Variants in C10orf143 observed in about 807,000 individuals in gnomAD.
C10orf143 encodes uncharacterized protein C10orf143.
intron 3 of C10orf143, among the ~76,000 whole-genome samples, chr10:130,057,727 G>A (rs1387757679): frequency 3.3e-5 from 5 of 152,058 alleles, no homozygotes; most frequent in Admixed American, 1.3e-4. Context: ...CTGGAGTGGC[G>A]GGTTCTGAGG....
At chr10:130,052,639 C>A (rs1860750137) in intron 3 of C10orf143, among the ~76,000 whole-genome samples, 1 of 152,222 alleles carries the variant, frequency 6.6e-6, no homozygotes, top group East Asian at 1.9e-4. Context: ...CTGTACCTAT[C>A]TAATCACAAA....
intron 1 of C10orf143, chr10:130,107,814 C>G: frequency 8.0e-7 from 1 of 1,248,354 alleles, no homozygotes. Context: ...CCTTCTGACA[C>G]TGGGTCCCTG....
At chr10:130,109,228 G>A (rs1253296357) in intron 1 of C10orf143, among the ~76,000 whole-genome samples, 2 of 152,114 alleles carry the variant, frequency 1.3e-5, no homozygotes, top group African/African-American at 2.4e-5. Context: ...CATTTTCCAG[G>A]GCAGTGAAGT....
intron 3 of C10orf143, among the ~76,000 whole-genome samples, chr10:130,041,116 A>G (rs1459846360): frequency 6.6e-6 from 1 of 152,198 alleles, no homozygotes; most frequent in East Asian, 1.9e-4. Flanking sequence ...AATCCGTTCT[A>G]CTTCTCAGGA....
At chr10:130,059,519 T>G (rs968594056), downstream of C10orf143, among the ~76,000 whole-genome samples, 7 of 152,138 alleles carry the variant, frequency 4.6e-5, no homozygotes, top group African/African-American at 1.7e-4. Flanking sequence ...AAGCAGTGTG[T>G]GGCATGCAAA....
intron 1 of C10orf143, chr10:130,104,758 C>T (rs1288230945): frequency 6.6e-6 from 1 of 152,166 alleles, no homozygotes; most frequent in Admixed American, 6.6e-5. Flanking sequence ...TCCATTTCAG[C>T]AATTCCAACC....
At chr10:130,053,493 A>G (rs1252901916) in intron 3 of C10orf143, among the ~76,000 whole-genome samples, 2 of 152,130 alleles carry the variant, frequency 1.3e-5, no homozygotes, top group Non-Finnish European at 2.9e-5. Context: ...ACAGAGTCAG[A>G]CCCCCTGGTT....
intron 3 of C10orf143, among the ~76,000 whole-genome samples, chr10:130,052,079 A>C (rs1189841137): frequency 6.4e-5 from 1 of 15,534 alleles, no homozygotes. Context: ...GCCCCCACCT[A>C]GTTAAGAGTC....
At chr10:130,062,690 T>A (rs1199417196), downstream of C10orf143, among the ~76,000 whole-genome samples, 1 of 152,186 alleles carries the variant, frequency 6.6e-6, no homozygotes, top group East Asian at 1.9e-4. Flanking sequence ...GACGGCCTAT[T>A]GTGGGACCTC....
At position 130,056,400 on chromosome 10, in the gene C10orf143, G is replaced by C. The variant is rs1320712492; in HGVS notation, c.298-20430C>G. Among the ~76,000 whole-genome samples, 2 of 152,104 alleles carry C rather than the reference G, an allele frequency of 1.3e-5. No homozygotes were observed. Among genetic ancestry groups the C allele is most frequent in the Non-Finnish European group, 2.9e-5 (2 of 68,028 alleles). Reference sequence around the variant, plus strand: ...CTGCATGCACAGGGCTCAACAGCAAGGGTCATGCTGAGTCAAGCGTTCAGT... The same window carrying C: ...CTGCATGCACAGGGCTCAACAGCAACGGTCATGCTGAGTCAAGCGTTCAGT... On this transcript the variant is annotated intron_variant and NMD_transcript_variant, in intron 3 of 5. Coordinates refer to the C10orf143 transcript ENST00000643056. This position sits in a 1 kb window ranked among gnomAD's most constrained non-coding sequence, Gnocchi z 4.6.
chr10:130,053,471 G>T lies in C10orf143; in HGVS notation c.298-17501C>A, dbSNP rs957766338. Reference sequence around the variant, plus strand: ...TAAAACAAAACTGTTATTCATTAAGGTTTTTGGGACCACAGAGTCAGACCC... The same window carrying T: ...TAAAACAAAACTGTTATTCATTAAGTTTTTTGGGACCACAGAGTCAGACCC... On this transcript the variant is annotated intron_variant and NMD_transcript_variant, in intron 3 of 5. Transcript: ENST00000643056. Among the ~76,000 whole-genome samples, 15 of 152,268 alleles carry T rather than the reference G, an allele frequency of 9.9e-5. 1 individual carries two copies. The East Asian group carries it at 2.9e-3, about 29-fold the overall frequency.
rs1217544608 is a variant in C10orf143 at position 130,064,054 on chromosome 10, T to C, written c.*300A>G. 5 of 281,108 alleles carry C rather than the reference T, an allele frequency of 1.8e-5. No individual in the cohort carries two copies. Among genetic ancestry groups the C allele is most frequent in the Non-Finnish European group, 3.3e-5 (5 of 152,308 alleles). 17.4% of individuals were successfully genotyped at this position (281,108 alleles called of 1,614,324 possible). ...ATAGGAAGTTTGATACAAAATTTTT[T>C]GACTTGTAAATAATGCAATTGATCT... On this transcript the variant is annotated 3_prime_UTR_variant, in exon 4 of 4. Transcript: ENST00000637128.
At chr10:130,090,519 T>G (rs1861364103) in intron 1 of C10orf143, among the ~76,000 whole-genome samples, 1 of 150,998 alleles carries the variant, frequency 6.6e-6, no homozygotes, top group Non-Finnish European at 1.5e-5. Flanking sequence ...ACTGCAGGAG[T>G]TTTTTTTCAT....
At chr10:130,067,429 T>C (rs186482925) in intron 3 of C10orf143, 2 of 152,308 alleles carry the variant, frequency 1.3e-5, no homozygotes, top group East Asian at 3.9e-4. Flanking sequence ...CCACATCTCC[T>C]TCCCTTTTTG....
At chr10:130,046,940 TGC>T (rs1211275996) in intron 3 of C10orf143, among the ~76,000 whole-genome samples, 43 of 152,346 alleles carry the variant, frequency 2.8e-4, no homozygotes, top group Admixed American at 1.8e-3. Flanking sequence ...TGTGTAAGCG[TGC>T]ACACTTGCTT....
At chr10:130,075,466 C>T (rs564180774) in intron 3 of C10orf143, among the ~76,000 whole-genome samples, 16 of 152,304 alleles carry the variant, frequency 1.1e-4, no homozygotes, top group Non-Finnish European at 1.8e-4. Context: ...CTTTCCTCCC[C>T]AGGAGAATCT....
At chr10:130,040,394 G>A (rs1445075235) in intron 3 of C10orf143, among the ~76,000 whole-genome samples, 5 of 152,232 alleles carry the variant, frequency 3.3e-5, no homozygotes, top group African/African-American at 1.2e-4. Flanking sequence ...TCACTCGAAG[G>A]CTTCTTTTGC....
intron 1 of C10orf143, among the ~76,000 whole-genome samples, chr10:130,091,301 A>C (rs1861379037): frequency 6.6e-6 from 1 of 152,224 alleles, no homozygotes; most frequent in Non-Finnish European, 1.5e-5. Context: ...GACCTCCAGC[A>C]AACTCCAGCA....
At chr10:130,080,739 T>G (rs571983825) in intron 1 of C10orf143, among the ~76,000 whole-genome samples, 37 of 152,358 alleles carry the variant, frequency 2.4e-4, no homozygotes, top group African/African-American at 8.7e-4. Context: ...TTATCACTTT[T>G]GCAAAATGTG....
Sources: allele counts gnomAD v4.1 joint callset (sites outside exome capture counted in the v4.1 genomes callset), GRCh38; gene constraint gnomAD v4.1.1; non-coding constraint Gnocchi (gnomAD v3.1); transcripts MANE v1.5; gene names NCBI Gene and HGNC (gene_info 2026-07-23, HGNC 2026-07-21).